Variants in ZMYND12 observed in about 807,000 individuals in gnomAD.
ZMYND12 encodes the protein zinc finger MYND-type containing 12, also known as zinc finger MYND domain-containing protein 12.
In ZMYND12, 32 loss-of-function variants were observed where a neutral mutation model predicts 41.7. That is an observed-to-expected ratio of 0.77 (90% CI 0.58 to 1.03). ZMYND12 has a LOEUF of 1.03. ZMYND12 is among the 50% of genes least tolerant of loss of function. The probability of loss-of-function intolerance (pLI) is 0.00; values close to 1 mark genes in which losing one functional copy is unlikely to be tolerated. For synonymous variants in ZMYND12, 148 were observed against 164.8 expected (o/e 0.90, Z 0.78); for missense variants, 424 against 438.5 (o/e 0.97, Z 0.30).
At chr1:42,443,532 T>C (rs1642991340) in intron 3 of ZMYND12, among the ~76,000 whole-genome samples, 1 of 152,092 alleles carries the variant, frequency 6.6e-6, no homozygotes, top group Non-Finnish European at 1.5e-5. Context: ...GACTTGGTGA[T>C]GAAAGTGAAG....
intron 4 of ZMYND12, among the ~76,000 whole-genome samples, chr1:42,439,276 T>TC (rs1642940738): frequency 6.6e-6 from 1 of 151,396 alleles, no homozygotes; most frequent in African/African-American, 2.4e-5. Context: ...TCTCTCTTTT[T>TC]TTTTTTTTGA....
In ZMYND12 at chr1:42,438,125, T is replaced by C. The variant is rs956531135; in HGVS notation, c.595-1582A>G. On this transcript the variant is annotated intron_variant, in intron 4 of 7. Coordinates refer to ENST00000372565, the MANE Select transcript of ZMYND12 (RefSeq NM_032257.5). Reference sequence around the variant, plus strand: ...CACCTGGCCTACTAATTCTTAACTGTGTGGCCCAGCTCAGGACAGAATGTG... The same window carrying C: ...CACCTGGCCTACTAATTCTTAACTGCGTGGCCCAGCTCAGGACAGAATGTG... Among the ~76,000 whole-genome samples the C allele has an allele frequency of 4.6e-5, 7 of 152,312 alleles. No homozygotes were observed. In the East Asian group the frequency reaches 1.4e-3, roughly 29 times the overall value.
At chr1:42,454,651 A>G (rs1209766904) in intron 1 of ZMYND12, among the ~76,000 whole-genome samples, 1 of 151,930 alleles carries the variant, frequency 6.6e-6, no homozygotes, top group Non-Finnish European at 1.5e-5. Context: ...GTCTAGCCCT[A>G]ACCTTTATCT....
intron 1 of ZMYND12, among the ~76,000 whole-genome samples, chr1:42,454,182 A>C (rs1486823919): frequency 2.0e-5 from 3 of 152,242 alleles, no homozygotes; most frequent in Non-Finnish European, 4.4e-5. Context: ...TCAGTTCTCT[A>C]TAACTACAGC....
At chr1:42,448,387 G>C in intron 3 of ZMYND12, 80 bp downstream of exon 3, 1 of 1,403,736 alleles carries the variant, frequency 7.1e-7, no homozygotes. Context: ...CCACTGTCAA[G>C]GGTGACTCTT....
intron 3 of ZMYND12, among the ~76,000 whole-genome samples, chr1:42,440,834 A>G (rs1034264267): frequency 1.3e-5 from 2 of 151,704 alleles, no homozygotes; most frequent in Non-Finnish European, 2.9e-5. Flanking sequence ...ACGCCCCACT[A>G]ATTTTGTATT....
intron 1 of ZMYND12, 97 bp from the exon 2 acceptor site, chr1:42,450,156 T>C: frequency 7.0e-7 from 1 of 1,420,430 alleles, no homozygotes; most frequent in Non-Finnish European, 9.6e-7. Context: ...ACCAGAAAAG[T>C]AAGCCAAATA....
rs1353692851 is a variant in ZMYND12 at position 42,431,746 on chromosome 1, A to T, written c.976-888T>A. ...AATGTAAATTTGAAAGTTCAGTGGA[A>T]ATATTTTCCTATTCCTCACCCATTC... On this transcript the variant is annotated intron_variant, in intron 7 of 7. Transcript: ENST00000372565. Among the ~76,000 whole-genome samples, 7 of 152,158 alleles carry T rather than the reference A, an allele frequency of 4.6e-5. No individual in the cohort carries two copies. The East Asian group carries it at 9.6e-4, about 21-fold the overall frequency.
intron 3 of ZMYND12, among the ~76,000 whole-genome samples, chr1:42,444,894 G>A (rs927928686): frequency 3.1e-4 from 43 of 140,920 alleles, no homozygotes; most frequent in African/African-American, 9.1e-4. Context: ...TGTAAGCTCC[G>A]CCCCCCGGGT....
In ZMYND12 at chr1:42,442,027, G is replaced by A. The variant is rs187070972; in HGVS notation, c.425-2002C>T. Among the ~76,000 whole-genome samples, 346 of 152,314 alleles carry A rather than the reference G, an allele frequency of 2.3e-3. 2 individuals are homozygous for A. Among genetic ancestry groups the A allele is most frequent in the African/African-American group, 8.1e-3 (336 of 41,568 alleles). On this transcript the variant is annotated intron_variant, in intron 3 of 7. Coordinates refer to ENST00000372565, the MANE Select transcript of ZMYND12 (RefSeq NM_032257.5). ...TGCAGAACCTACAAATATGGAGGGT[G>A]TAGGGACTGTATCGGCCTGTGATGC...
chr1:42,438,995 A>G (rs1198282377), intron 4 of ZMYND12, among the ~76,000 whole-genome samples: 3 of 152,218 alleles, frequency 2.0e-5, no homozygotes, highest in African/African-American at 7.2e-5. Context: ...CTTTGTACAG[A>G]GTTTTATCAT....
chr1:42,440,072 G>A (rs369723426), intron 3 of ZMYND12, 47 bp from the exon 4 acceptor site: 190 of 1,529,574 alleles, frequency 1.2e-4, no homozygotes, highest in Non-Finnish European at 1.6e-4. Context: ...CCAGGCCAAA[G>A]AACACATGAG....
chr1:42,436,676 T>A, intron 4 of ZMYND12, 133 bp from the exon 5 acceptor site: 1 of 1,061,058 alleles, frequency 9.4e-7, no homozygotes, highest in Non-Finnish European at 1.3e-6. Flanking sequence ...AAGATCTGAA[T>A]TGACATTTCT....
intron 6 of ZMYND12, 35 bp from the exon 7 acceptor site, chr1:42,433,323 CT>C (rs1274017765): frequency 6.3e-7 from 1 of 1,581,832 alleles, no homozygotes; most frequent in East Asian, 2.2e-5. Flanking sequence ...AAAACAGGCT[CT>C]TGGCAACTGA....
chr1:42,430,797 T>C lies in ZMYND12; in HGVS notation c.1037A>G (p.Glu346Gly). The C allele has an allele frequency of 6.2e-7, 1 of 1,614,214 alleles. No homozygotes were observed. Among genetic ancestry groups the C allele is most frequent in the Non-Finnish European group, 8.5e-7 (1 of 1,180,030 alleles). ...TAATAACTCTTGAATGGTGCTTTGC[T>C]CATGGACATCAAGCTGTTGTTCTTT... ...LAKEQQLDVH[E>G]QSTIQELLSL... Residue 346 changes from glutamate to glycine, a missense_variant, in exon 8 of 8, where the codon GAG becomes GGG. By Grantham distance (98) the Glu-to-Gly change is moderately conservative. Coordinates refer to ENST00000372565, the MANE Select transcript of ZMYND12 (RefSeq NM_032257.5).
intron 4 of ZMYND12, among the ~76,000 whole-genome samples, chr1:42,438,886 C>T (rs1642934910): frequency 6.6e-6 from 1 of 152,196 alleles, no homozygotes; most frequent in South Asian, 2.1e-4. Flanking sequence ...CGCCCAGGAA[C>T]TCTTTTCTCT....
chr1:42,441,683 G>C (rs1233505569), intron 3 of ZMYND12, among the ~76,000 whole-genome samples: 2 of 151,764 alleles, frequency 1.3e-5, no homozygotes, highest in Admixed American at 6.6e-5. Flanking sequence ...TGCAGTGGCG[G>C]GATCTCGGCT....
intron 1 of ZMYND12, among the ~76,000 whole-genome samples, chr1:42,454,991 T>C (rs909813439): frequency 6.6e-6 from 1 of 152,242 alleles, no homozygotes; most frequent in Admixed American, 6.5e-5. Flanking sequence ...TACTTTCTAC[T>C]CATTCTGTGC....
chr1:42,431,528 G>GAAC (rs1642849428), intron 7 of ZMYND12, among the ~76,000 whole-genome samples: 1 of 152,180 alleles, frequency 6.6e-6, no homozygotes, highest in Non-Finnish European at 1.5e-5. Flanking sequence ...GGAGAGCAGG[G>GAAC]AACGCTTCAC....
Sources: allele counts gnomAD v4.1 joint callset (sites outside exome capture counted in the v4.1 genomes callset), GRCh38; gene constraint gnomAD v4.1.1; transcripts MANE v1.5; gene names NCBI Gene and HGNC (gene_info 2026-07-23, HGNC 2026-07-21).